The following ZNF407 variants were observed in gnomAD, a reference collection of about 807,000 sequenced individuals.
ZNF407 encodes the protein zinc finger protein 407.
In ZNF407, 17 loss-of-function variants were observed where a neutral mutation model predicts 131.2. That is an observed-to-expected ratio of 0.13 (90% CI 0.09 to 0.19). The LOEUF is 0.19. ZNF407 is among the 10% of genes least tolerant of loss of function. The pLI, the probability that ZNF407 is intolerant of heterozygous loss-of-function variation, is 1.00. For synonymous variants in ZNF407, 1,156 were observed against 1,062.0 expected, an observed-to-expected ratio of 1.09 and a Z score of -1.72; for missense variants, 2,681 against 2,830.6, an observed-to-expected ratio of 0.95 and a Z score of 1.20.
At chr18:74,692,579 C>G (rs374748847) in intron 3 of ZNF407, among the ~76,000 whole-genome samples, 24 of 152,264 alleles carry the variant, frequency 1.6e-4, no homozygotes, top group African/African-American at 4.3e-4. Context: ...TTCCTTGACA[C>G]CTTTCCTCAG....
chr18:74,601,981 T>G (rs1218139030), intron 1 of ZNF407, among the ~76,000 whole-genome samples: 3 of 152,244 alleles, frequency 2.0e-5, no homozygotes, highest in Admixed American at 6.5e-5. Context: ...CACCTACATA[T>G]GTATCTTGCT....
At position 74,634,292 on chromosome 18, in the gene ZNF407, C is replaced by G. The variant is rs1449596021; in HGVS notation, c.3273C>G (p.Ser1091=). ...ANVEAGSADM[S]KNIIMPEEEH... ...TAGAAGCTGGTTCTGCAGACATGTC[C>G]AAAAACATCATTATGCCTGAAGAAG... The change falls in exon 2 of 9, where the codon TCC becomes TCG. Residue 1091 remains serine (S), a synonymous_variant. Transcript: ENST00000299687. 6.2e-7 allele frequency: 1 copy of G among 1,613,952 alleles called. No homozygotes were observed. The highest frequency in any genetic ancestry group is 1.7e-5 in the Admixed American group (1 of 60,010).
intron 4 of ZNF407, among the ~76,000 whole-genome samples, chr18:74,811,565 A>T (rs1970195214): frequency 6.6e-6 from 1 of 152,176 alleles, no homozygotes; most frequent in African/African-American, 2.4e-5. Flanking sequence ...CTATAAAGAC[A>T]CATGCACACG....
At chr18:74,948,284 T>C (rs1162100911) in intron 8 of ZNF407, among the ~76,000 whole-genome samples, 1 of 152,218 alleles carries the variant, frequency 6.6e-6, no homozygotes, top group East Asian at 1.9e-4. Context: ...TATCATATCT[T>C]ACTGTTATTT....
chr18:74,978,144 A>G (rs1328159315), intron 8 of ZNF407, among the ~76,000 whole-genome samples: 2 of 152,236 alleles, frequency 1.3e-5, no homozygotes, highest in Non-Finnish European at 2.9e-5. Context: ...GGATGCATGT[A>G]GTCACATTGA....
At chr18:74,767,048 A>G (rs1476463988) in intron 3 of ZNF407, among the ~76,000 whole-genome samples, 1 of 152,096 alleles carries the variant, frequency 6.6e-6, no homozygotes, top group African/African-American at 2.4e-5. Flanking sequence ...AGTAGCTGGT[A>G]CCACAGGTGC....
At chr18:74,795,646 C>G (rs1969905352) in intron 4 of ZNF407, among the ~76,000 whole-genome samples, 1 of 152,210 alleles carries the variant, frequency 6.6e-6, no homozygotes, top group Non-Finnish European at 1.5e-5. Context: ...AAATTATGAA[C>G]TAAACCACCA....
chr18:74,977,580 T>G (rs1458622267), intron 8 of ZNF407, among the ~76,000 whole-genome samples: 1 of 152,216 alleles, frequency 6.6e-6, no homozygotes, highest in Non-Finnish European at 1.5e-5. Flanking sequence ...GGAAGAAGAT[T>G]AATCTTATAA....
At chr18:75,012,950 T>TA (rs34245737) in intron 8 of ZNF407, among the ~76,000 whole-genome samples, 48 of 145,650 alleles carry the variant, frequency 3.3e-4, no homozygotes, top group African/African-American at 1.2e-3. Context: ...GGTCCTTTTT[T>TA]AAAAAAAAAA....
chr18:74,631,204 T>G lies in ZNF407; in HGVS notation c.185T>G (p.Val62Gly), dbSNP rs1329104982. ...GFSESSNSDS[V>G]VIGEDRNKHA... ...TCAGAATCATCGAACTCTGATAGTG[T>G]TGTTATAGGAGAAGACAGAAATAAA... Residue 62 changes from valine to glycine, a missense_variant, in exon 2 of 9, where the codon GTT (valine) becomes GGT (glycine). Coordinates refer to ENST00000299687, the MANE Select transcript of ZNF407 (RefSeq NM_017757.3). 6.2e-7 allele frequency: 1 copy of G among 1,613,978 alleles called. No homozygotes were observed. Among genetic ancestry groups the G allele is most frequent in the Non-Finnish European group, 8.5e-7 (1 of 1,179,880 alleles).
intron 4 of ZNF407, among the ~76,000 whole-genome samples, chr18:74,808,531 A>T (rs1970147677): frequency 6.6e-6 from 1 of 152,234 alleles, no homozygotes; most frequent in African/African-American, 2.4e-5. Context: ...GTGTCTATGG[A>T]TGAAATTTAT....
chr18:74,622,872 ATG>A (rs1244113063), intron 1 of ZNF407, among the ~76,000 whole-genome samples: 5 of 134,466 alleles, frequency 3.7e-5, no homozygotes, highest in Admixed American at 7.9e-5. Flanking sequence ...GTGCAAATGC[ATG>A]TGTGTCAGCC....
intron 4 of ZNF407, among the ~76,000 whole-genome samples, chr18:74,821,101 G>A (rs1281478374): frequency 6.6e-6 from 1 of 151,922 alleles, no homozygotes; most frequent in African/African-American, 2.4e-5. Context: ...GCTGCAGAAT[G>A]GAAAGAAAGT....
At chr18:74,768,260 A>G (rs1310346248) in intron 3 of ZNF407, among the ~76,000 whole-genome samples, 1 of 152,184 alleles carries the variant, frequency 6.6e-6, no homozygotes, top group Non-Finnish European at 1.5e-5. Context: ...TCAGTCAAGT[A>G]TGGAGTGCTG....
chr18:75,036,021 A>G lies in ZNF407; in HGVS notation c.5429-27129A>G, dbSNP rs749252666. Among the ~76,000 whole-genome samples the G allele has an allele frequency of 3.3e-5, 5 of 152,278 alleles. No homozygotes were observed. In the South Asian group the frequency reaches 1.0e-3, roughly 31 times the overall value. On this transcript the variant is annotated intron_variant, in intron 8 of 8. Coordinates refer to ENST00000299687, the MANE Select transcript of ZNF407 (RefSeq NM_017757.3). ...GGCGAAGCCACAACATTGCAGAAAT[A>G]CATGACTTCTGCTGGTGCCAAAAAT... is the stretch of plus-strand genomic sequence containing the variant.
At chr18:75,007,021 A>T (rs2122172744) in intron 8 of ZNF407, among the ~76,000 whole-genome samples, 1 of 152,102 alleles carries the variant, frequency 6.6e-6, no homozygotes, top group Non-Finnish European at 1.5e-5. Flanking sequence ...TAGTCACATG[A>T]TGCCTCTTTT....
chr18:74,797,938 G>A (rs757559966), intron 4 of ZNF407, among the ~76,000 whole-genome samples: 4 of 151,752 alleles, frequency 2.6e-5, no homozygotes, highest in Admixed American at 6.6e-5. Context: ...CCATTTTAGC[G>A]CATCCGTAAA....
chr18:74,827,804 CT>C (rs1006526526), intron 4 of ZNF407, among the ~76,000 whole-genome samples: 2 of 152,204 alleles, frequency 1.3e-5, no homozygotes, highest in African/African-American at 4.8e-5. Context: ...ATTTCTAAGT[CT>C]GTCTTAATGT....
intron 7 of ZNF407, among the ~76,000 whole-genome samples, chr18:74,919,070 G>T (rs1470627173): frequency 2.0e-5 from 3 of 152,158 alleles, no homozygotes; most frequent in African/African-American, 7.2e-5. Context: ...ACCAGAGTCT[G>T]TAGGAAAGGA....
Sources: gnomAD v4.1 joint callset for allele counts (sites outside exome capture counted in the v4.1 genomes callset) on GRCh38, gnomAD v4.1.1 for gene constraint, MANE v1.5 for transcripts, NCBI Gene and HGNC (gene_info 2026-07-23, HGNC 2026-07-21) for gene names.